Variants in UGT1A7 observed in about 807,000 individuals in gnomAD.
The protein encoded by UGT1A7 is UDP glucuronosyltransferase family 1 member A7, also known as UDP-glucuronosyltransferase 1A7.
In UGT1A7, 33 loss-of-function variants were observed where a neutral mutation model predicts 45.6. The ratio of observed to expected loss-of-function variants is 0.72; its 90% CI spans 0.55 to 0.97. The LOEUF (loss-of-function observed/expected upper bound fraction) is 0.97, where lower values mean the gene tolerates loss of function less well. UGT1A7 is among the 50% of genes least tolerant of loss of function. UGT1A7 has a pLI of 0.00. For synonymous variants in UGT1A7, 274 were observed against 250.6 expected (o/e 1.09, Z -0.88); for missense variants, 684 against 666.2 (o/e 1.03, Z -0.29).
chr2:233,730,725 A>G (rs1270546313), intron 1 of UGT1A7, among the ~76,000 whole-genome samples: 1 of 152,146 alleles, frequency 6.6e-6, no homozygotes, highest in Admixed American at 6.5e-5. Flanking sequence ...TTATCAAGAA[A>G]TGGCGGAAGG....
intron 1 of UGT1A7, among the ~76,000 whole-genome samples, chr2:233,724,317 G>A (rs1449472256): frequency 4.8e-4 from 64 of 132,596 alleles, no homozygotes; most frequent in East Asian, 1.3e-3. Flanking sequence ...CCCGGACGGG[G>A]CGGCTGGCCA....
chr2:233,719,813 A>T, intron 1 of UGT1A7: 2 of 1,586,286 alleles, frequency 1.3e-6, no homozygotes, highest in Non-Finnish European at 1.7e-6. Flanking sequence ...TCTTTATAAC[A>T]GATAAACTGT....
intron 1 of UGT1A7, chr2:233,752,303 GC>G (rs1430654409): frequency 6.6e-6 from 1 of 152,154 alleles, no homozygotes; most frequent in Non-Finnish European, 1.5e-5. Context: ...GCCTTTCCTT[GC>G]CCGGTGTGCT....
At chr2:233,762,785 A>G (rs1698164172) in intron 1 of UGT1A7, among the ~76,000 whole-genome samples, 1 of 150,724 alleles carries the variant, frequency 6.6e-6, no homozygotes, top group Non-Finnish European at 1.5e-5. Context: ...CTGATTATCT[A>G]CTCATTACTC....
intron 1 of UGT1A7, chr2:233,730,097 T>C: frequency 6.3e-7 from 1 of 1,588,304 alleles, no homozygotes; most frequent in Non-Finnish European, 8.6e-7. Flanking sequence ...TTTCCAAATA[T>C]TTCATTTCTG....
In UGT1A7 at chr2:233,682,932, C is replaced by T. The variant is rs935120253; in HGVS notation, c.855+140C>T. 4 of 1,451,804 alleles carry T rather than the reference C, an allele frequency of 2.8e-6. No homozygotes were observed. In the African/African-American group the frequency reaches 5.7e-5, roughly 21 times the overall value. The allele number at this position is 1,451,804 out of a possible 1,614,324, so 89.9% of individuals were successfully genotyped here. Reference sequence around the variant, plus strand: ...TTTAAGGAATTCTTTTGTACCAATTCACTTAATTGTTGGGTAGCAAATTGT... The same window carrying T: ...TTTAAGGAATTCTTTTGTACCAATTTACTTAATTGTTGGGTAGCAAATTGT... On this transcript the variant is annotated intron_variant, in intron 1 of 4. Coordinates refer to ENST00000373426, the MANE Select transcript of UGT1A7 (RefSeq NM_019077.3).
At chr2:233,719,688 G>A in intron 1 of UGT1A7, 1 of 1,614,002 alleles carries the variant, frequency 6.2e-7, no homozygotes, top group Non-Finnish European at 8.5e-7. Context: ...ACTATCTCAG[G>A]TCTGTATTGG....
intron 1 of UGT1A7, among the ~76,000 whole-genome samples, chr2:233,685,741 T>G (rs17868325): frequency 0.18 from 27,719 of 152,252 alleles, 2,749 homozygotes; most frequent in Non-Finnish European, 0.23. Context: ...TTCTCCATTT[T>G]TTCTTCCATT....
intron 1 of UGT1A7, among the ~76,000 whole-genome samples, chr2:233,728,342 G>T (rs1241528398): frequency 6.6e-6 from 1 of 152,290 alleles, no homozygotes; most frequent in African/African-American, 2.4e-5. Context: ...CCAGTCCCTT[G>T]GTGAGCAGGA....
chr2:233,717,158 G>T (rs75491591), intron 1 of UGT1A7, among the ~76,000 whole-genome samples: 2,054 of 152,298 alleles, frequency 0.013, 54 homozygotes, highest in African/African-American at 0.047. Context: ...GAACATGGGA[G>T]CCCCTTGAAT....
rs146825304 is a variant in UGT1A7, at chr2:233,749,948, G to C, written c.856-17086G>C. On this transcript the variant is annotated intron_variant, in intron 1 of 4. Transcript: ENST00000373426. ...AAAGCTCTTTCCTTTATGAATTACC[G>C]AGTCTTGGGTATGTCTTTATAGCAG... 4.8e-3 allele frequency among the ~76,000 whole-genome samples: 734 copies of C among 151,926 alleles called. 7 individuals carry two copies. The highest frequency in any genetic ancestry group is 4.2e-3 in the Non-Finnish European group (283 of 68,018).
intron 1 of UGT1A7, among the ~76,000 whole-genome samples, chr2:233,736,444 A>G (rs1261930355): frequency 1.3e-5 from 2 of 152,138 alleles, no homozygotes; most frequent in Non-Finnish European, 2.9e-5. Flanking sequence ...CTTCCTTGCA[A>G]TAGGTTCGAA....
intron 1 of UGT1A7, chr2:233,739,067 G>A (rs1690974167): frequency 6.6e-6 from 1 of 152,282 alleles, no homozygotes. Context: ...TTCAGAGGGT[G>A]CAAACCTCAA....
chr2:233,745,629 A>T (rs1334214032), intron 1 of UGT1A7, among the ~76,000 whole-genome samples: 1 of 151,506 alleles, frequency 6.6e-6, no homozygotes, highest in East Asian at 1.9e-4. Context: ...ACAGTCATAG[A>T]AAGCTGGCCG....
intron 1 of UGT1A7, among the ~76,000 whole-genome samples, chr2:233,740,113 T>C (rs1443736417): frequency 6.6e-6 from 1 of 151,884 alleles, no homozygotes. Flanking sequence ...CCTTTGCTTA[T>C]CTCTCACCTT....
chr2:233,772,219 A>T, intron 4 of UGT1A7, 43 bp from the exon 5 acceptor site: 6 of 1,612,704 alleles, frequency 3.7e-6, no homozygotes, highest in Non-Finnish European at 5.1e-6. Context: ...GATTGTTCAT[A>T]CCACAGGTGT....
intron 1 of UGT1A7, among the ~76,000 whole-genome samples, chr2:233,731,009 C>T (rs868145572): frequency 3.3e-5 from 5 of 152,260 alleles, no homozygotes; most frequent in Middle Eastern, 3.4e-3. Flanking sequence ...CCATGTACAT[C>T]GTGAGAGAAT....
At chr2:233,763,651 C>T (rs1168041564) in intron 1 of UGT1A7, among the ~76,000 whole-genome samples, 2 of 152,174 alleles carry the variant, frequency 1.3e-5, no homozygotes, top group Non-Finnish European at 2.9e-5. Context: ...TCTCAATACT[C>T]TTGATAAAAC....
intron 1 of UGT1A7, among the ~76,000 whole-genome samples, chr2:233,716,930 GCTC>G (rs2125650647): frequency 6.6e-6 from 1 of 152,262 alleles, no homozygotes; most frequent in South Asian, 2.1e-4. Flanking sequence ...GCCTTGGGCA[GCTC>G]CTCCTATTTC....
Sources: gnomAD v4.1 joint callset for allele counts (sites outside exome capture counted in the v4.1 genomes callset) on GRCh38, gnomAD v4.1.1 for gene constraint, MANE v1.5 for transcripts, NCBI Gene and HGNC (gene_info 2026-07-23, HGNC 2026-07-21) for gene names.